NTNG1: variants seen among roughly 807,000 people sequenced by gnomAD.
NTNG1 encodes netrin G1.
In NTNG1, 16 loss-of-function variants were observed where a neutral mutation model predicts 54.0. The ratio of observed to expected loss-of-function variants is 0.30; its 90% confidence interval spans 0.20 to 0.45. The LOEUF (loss-of-function observed/expected upper bound fraction) is 0.45. Ranked by LOEUF, NTNG1 falls within the 20% of genes least tolerant of loss-of-function variation. The probability of loss-of-function intolerance (pLI) is 1.00; values close to 1 mark genes in which losing one functional copy is unlikely to be tolerated. For synonymous variants in NTNG1, 255 were observed against 263.1 expected (o/e 0.97, Z 0.30); for missense variants, 530 against 678.7 (o/e 0.78, Z 2.43).
chr1:107,441,092 G>A (rs1472731642), intron 7 of NTNG1, among the ~76,000 whole-genome samples: 2 of 152,134 alleles, frequency 1.3e-5, no homozygotes, highest in Non-Finnish European at 2.9e-5. Context: ...CAACAGCTAG[G>A]TTCCAGAGAA....
intron 3 of NTNG1, among the ~76,000 whole-genome samples, chr1:107,376,594 C>T (rs377738701): frequency 6.6e-6 from 1 of 152,174 alleles, no homozygotes; most frequent in Non-Finnish European, 1.5e-5. Flanking sequence ...CCACCTTATG[C>T]CCAGGCTCCC....
chr1:107,225,490 TG>T (rs1352993107), intron 2 of NTNG1, among the ~76,000 whole-genome samples: 2 of 152,154 alleles, frequency 1.3e-5, no homozygotes, highest in Non-Finnish European at 2.9e-5. Flanking sequence ...GACATTGCTT[TG>T]GATTTAGACA....
At chr1:107,329,695 G>A (rs1337228551) in intron 3 of NTNG1, among the ~76,000 whole-genome samples, 1 of 151,972 alleles carries the variant, frequency 6.6e-6, no homozygotes, top group East Asian at 1.9e-4. Flanking sequence ...TTTCCAATTA[G>A]TCTCAATTAT....
intron 3 of NTNG1, among the ~76,000 whole-genome samples, chr1:107,383,007 T>C (rs1671741613): frequency 6.6e-6 from 1 of 152,224 alleles, no homozygotes; most frequent in African/African-American, 2.4e-5. Context: ...CCTCTCGAAT[T>C]TTGTAGTAAA....
chr1:107,188,954 A>C (rs1015506320), intron 2 of NTNG1, among the ~76,000 whole-genome samples: 15 of 152,118 alleles, frequency 9.9e-5, no homozygotes, highest in African/African-American at 3.6e-4. Context: ...AAATCAATGG[A>C]ATTTTTCAGA....
At chr1:107,155,386 T>C (rs1462284125) in intron 2 of NTNG1, among the ~76,000 whole-genome samples, 1 of 152,072 alleles carries the variant, frequency 6.6e-6, no homozygotes, top group Non-Finnish European at 1.5e-5. Context: ...TCAGGTCATA[T>C]CATTCTCTTG....
chr1:107,443,122 C>T (rs996620953), intron 7 of NTNG1, among the ~76,000 whole-genome samples: 4 of 152,192 alleles, frequency 2.6e-5, no homozygotes, highest in South Asian at 2.1e-4. Context: ...CCAGCTTTAA[C>T]GTCAGACCAC....
intron 7 of NTNG1, among the ~76,000 whole-genome samples, chr1:107,446,722 T>A (rs1676328495): frequency 6.6e-6 from 1 of 152,130 alleles, no homozygotes; most frequent in Non-Finnish European, 1.5e-5. Flanking sequence ...CCCATCACTG[T>A]TAAAATGCAT....
At chr1:107,427,657 A>G (rs1674992062) in intron 5 of NTNG1, among the ~76,000 whole-genome samples, 1 of 152,146 alleles carries the variant, frequency 6.6e-6, no homozygotes, top group African/African-American at 2.4e-5. Context: ...GCTTTATCAA[A>G]GTCTCAGAAG....
At chr1:107,447,046 C>T (rs575610597) in intron 7 of NTNG1, among the ~76,000 whole-genome samples, 3 of 152,094 alleles carry the variant, frequency 2.0e-5, no homozygotes, top group African/African-American at 7.2e-5. Flanking sequence ...CCTTATTCTG[C>T]AAAAGCATAG....
intron 2 of NTNG1, among the ~76,000 whole-genome samples, chr1:107,214,056 A>T (rs1659778949): frequency 6.6e-6 from 1 of 152,144 alleles, no homozygotes; most frequent in Non-Finnish European, 1.5e-5. Flanking sequence ...AATAAATATA[A>T]GTTCTTAATT....
intron 7 of NTNG1, among the ~76,000 whole-genome samples, chr1:107,470,402 T>A (rs1677906310): frequency 6.6e-6 from 1 of 152,218 alleles, no homozygotes; most frequent in Non-Finnish European, 1.5e-5. Flanking sequence ...AAATTAAAAT[T>A]ACTAAAGTTT....
intron 3 of NTNG1, among the ~76,000 whole-genome samples, chr1:107,386,675 A>G (rs533998684): frequency 2.9e-4 from 44 of 152,256 alleles, no homozygotes; most frequent in African/African-American, 9.9e-4. Context: ...TTTGGCTATT[A>G]TGAATAATGT....
rs1322811745 is a variant in NTNG1, at chr1:107,427,993, G to A, written c.1088-2757G>A. Reference sequence around the variant, plus strand: ...GAATGGGTCTTAAACTGTTGAACTTGGGTATCTTACAGATTTGGTTTTCTT... The same window carrying A: ...GAATGGGTCTTAAACTGTTGAACTTAGGTATCTTACAGATTTGGTTTTCTT... On this transcript the variant is annotated intron_variant, in intron 5 of 7. Transcript: ENST00000370068. 3.9e-5 allele frequency among the ~76,000 whole-genome samples: 6 copies of A among 152,058 alleles called. No homozygotes were observed. The East Asian group carries it at 1.2e-3, about 29-fold the overall frequency.
intron 2 of NTNG1, among the ~76,000 whole-genome samples, chr1:107,212,591 ACTT>A (rs1659670607): frequency 6.6e-6 from 1 of 152,130 alleles, no homozygotes; most frequent in East Asian, 1.9e-4. Context: ...GTTTATAGAC[ACTT>A]CTTGTTTTCT....
rs182541001 is a variant in NTNG1, at chr1:107,275,215, A to G, written c.247-49067A>G. Among the ~76,000 whole-genome samples, 53 of 152,116 alleles carry G rather than the reference A, an allele frequency of 3.5e-4. No individual in the cohort carries two copies. The East Asian group carries it at 9.7e-3, about 28-fold the overall frequency. ...AATATGGTGAAACCCTGTCTCTACTAAAAATACAAAAATTAGCCAGGCGTG... is the reference window on the plus strand; with the variant it reads ...AATATGGTGAAACCCTGTCTCTACTGAAAATACAAAAATTAGCCAGGCGTG... On this transcript the variant is annotated intron_variant, in intron 2 of 7. Coordinates refer to ENST00000370068, the MANE Select transcript of NTNG1 (RefSeq NM_001113226.3).
chr1:107,148,866 T>C, intron 2 of NTNG1, 27 bp downstream of exon 2: 1 of 1,605,636 alleles, frequency 6.2e-7, no homozygotes. Context: ...GCATAAAATA[T>C]TTCATATAAA....
chr1:107,443,765 G>C (rs1676129588), intron 7 of NTNG1, among the ~76,000 whole-genome samples: 2 of 151,984 alleles, frequency 1.3e-5, no homozygotes, highest in Non-Finnish European at 2.9e-5. Context: ...ACTACAAGTT[G>C]GTCTCATCAA....
chr1:107,312,075 G>C (rs1341290526), intron 2 of NTNG1, among the ~76,000 whole-genome samples: 1 of 152,194 alleles, frequency 6.6e-6, no homozygotes, highest in African/African-American at 2.4e-5. Context: ...GATCACTTTA[G>C]CAGCTATGCA....
Sources: gnomAD v4.1 joint callset for allele counts (sites outside exome capture counted in the v4.1 genomes callset) on GRCh38, gnomAD v4.1.1 for gene constraint, MANE v1.5 for transcripts, NCBI Gene and HGNC (gene_info 2026-07-23, HGNC 2026-07-21) for gene names.